Variants in HDAC9 observed in about 807,000 individuals in gnomAD.
The protein encoded by HDAC9 is histone deacetylase 9, also known as MEF-2 interacting transcription repressor (MITR) protein.
Under a neutral mutation model 139.4 loss-of-function variants are expected in HDAC9, and 41 were observed. The observed-to-expected ratio is 0.29, with a 90% CI of 0.23 to 0.38. HDAC9 has a LOEUF of 0.38. Among genes scored for constraint, HDAC9 ranks in the 10% least tolerant of loss-of-function variants. HDAC9 has a pLI of 1.00. For missense variants in HDAC9, 1,147 were observed against 1,297.0 expected, an observed-to-expected ratio of 0.88 and a Z score of 1.78; for synonymous variants, 517 against 476.2, an observed-to-expected ratio of 1.09 and a Z score of -1.12.
intron 12 of HDAC9, among the ~76,000 whole-genome samples, chr7:18,690,427 G>A (rs1236941960): frequency 6.6e-6 from 1 of 151,986 alleles, no homozygotes; most frequent in East Asian, 1.9e-4. Context: ...GATTGATGCT[G>A]AAAAGGTGTC....
rs552225922 is a variant in HDAC9, at chr7:18,593,106, C to T, written c.543-802C>T. ...GAATCTGAATTTAATGCCATTTTTG[C>T]CAGTTATAGCTAGAAGAAATATCCT... On this transcript the variant is annotated intron_variant, in intron 5 of 25. Coordinates refer to ENST00000686413, the MANE Select transcript of HDAC9 (RefSeq NM_178425.4). 9.9e-5 allele frequency among the ~76,000 whole-genome samples: 15 copies of T among 152,060 alleles called. No homozygotes were observed. In the East Asian group the frequency reaches 1.9e-3, roughly 20 times the overall value.
chr7:18,864,975 C>G (rs570499049), intron 21 of HDAC9, among the ~76,000 whole-genome samples: 1 of 152,122 alleles, frequency 6.6e-6, no homozygotes, highest in Non-Finnish European at 1.5e-5. Flanking sequence ...TCCCTTTGAC[C>G]GTAGTGTGTC....
chr7:18,183,230 T>C (rs10263045), intron 2 of HDAC9, among the ~76,000 whole-genome samples: 44,281 of 151,766 alleles, frequency 0.29, 7,579 homozygotes, highest in African/African-American at 0.48. Flanking sequence ...AGGATGGTCT[T>C]GATCTTCTGA....
intron 2 of HDAC9, among the ~76,000 whole-genome samples, chr7:18,553,643 G>A (rs1448253451): frequency 6.6e-6 from 1 of 152,150 alleles, no homozygotes; most frequent in Non-Finnish European, 1.5e-5. Context: ...TTAAACATAA[G>A]TTTTTCACAG....
chr7:18,990,532 C>A (rs931832442), intron 25 of HDAC9, among the ~76,000 whole-genome samples: 3 of 152,218 alleles, frequency 2.0e-5, no homozygotes, highest in African/African-American at 7.2e-5. Context: ...AGAGGTGGAG[C>A]CTATAGAGGC....
intron 2 of HDAC9, among the ~76,000 whole-genome samples, chr7:18,217,501 A>G (rs934127832): frequency 1.3e-5 from 2 of 151,832 alleles, no homozygotes; most frequent in Non-Finnish European, 1.5e-5. Context: ...ATTTTCTCTT[A>G]TTTTTTATTT....
intron 2 of HDAC9, among the ~76,000 whole-genome samples, chr7:18,584,694 T>A (rs1459746407): frequency 2.6e-5 from 4 of 152,208 alleles, no homozygotes; most frequent in Non-Finnish European, 5.9e-5. Context: ...TCACTCCTTG[T>A]TGTTTGGATC....
chr7:18,835,620 T>A, intron 20 of HDAC9, 34 bp downstream of exon 20: 1 of 1,613,254 alleles, frequency 6.2e-7, no homozygotes. Context: ...CCACTTTTAT[T>A]TGTATCTTTC....
At chr7:18,396,760 G>A (rs764276599) in intron 1 of HDAC9, among the ~76,000 whole-genome samples, 2 of 152,006 alleles carry the variant, frequency 1.3e-5, no homozygotes, top group Non-Finnish European at 2.9e-5. Flanking sequence ...CTAAATATTT[G>A]GAATTTTACA....
intron 6 of HDAC9, among the ~76,000 whole-genome samples, chr7:18,622,292 C>A (rs1023042358): frequency 2.6e-5 from 4 of 152,084 alleles, no homozygotes; most frequent in Non-Finnish European, 5.9e-5. Flanking sequence ...CATTGTATAT[C>A]CCAAATATTC....
At chr7:18,732,097 T>C (rs1022320018) in intron 13 of HDAC9, among the ~76,000 whole-genome samples, 1 of 152,186 alleles carries the variant, frequency 6.6e-6, no homozygotes, top group Non-Finnish European at 1.5e-5. Context: ...CAACCTCAGG[T>C]GATCCACCCG....
At chr7:18,570,750 A>T (rs563096900) in intron 2 of HDAC9, among the ~76,000 whole-genome samples, 1 of 152,266 alleles carries the variant, frequency 6.6e-6, no homozygotes, top group Non-Finnish European at 1.5e-5. Flanking sequence ...TTGCAACCTC[A>T]TAATGTTGTA....
intron 2 of HDAC9, among the ~76,000 whole-genome samples, chr7:18,263,194 C>T (rs1795788769): frequency 6.6e-6 from 1 of 152,112 alleles, no homozygotes; most frequent in South Asian, 2.1e-4. Context: ...CAAACAGTGA[C>T]TGAAAGAGAG....
At chr7:18,964,035 C>T (rs1783693540) in intron 24 of HDAC9, among the ~76,000 whole-genome samples, 1 of 152,168 alleles carries the variant, frequency 6.6e-6, no homozygotes, top group Non-Finnish European at 1.5e-5. Context: ...ATATACAGGA[C>T]AAACAACTTT....
At position 18,997,478 on chromosome 7, in the gene HDAC9, A is replaced by T. The variant is rs1786534081; in HGVS notation, c.*1416A>T. ...ATAACTCAAACACCTAAACATATTG[A>T]GGTAGAATATCTCACAGTATTTAAT... On this transcript the variant is annotated 3_prime_UTR_variant, in exon 26 of 26. Transcript: ENST00000686413. The T allele has an allele frequency of 6.6e-6, 1 of 152,168 alleles. No individual in the cohort carries two copies. The highest frequency in any genetic ancestry group is 1.5e-5 in the Non-Finnish European group (1 of 68,008). 9.4% of individuals were successfully genotyped at this position (152,168 alleles called of 1,614,324 possible). A position where few individuals can be genotyped will look rare whatever the true frequency, so the allele number is the denominator to read the frequency against.
chr7:18,824,900 A>G (rs1795296906), intron 17 of HDAC9, among the ~76,000 whole-genome samples: 1 of 152,036 alleles, frequency 6.6e-6, no homozygotes, highest in South Asian at 2.1e-4. Context: ...AACTGCATAC[A>G]TTTGAGTGAT....
At chr7:18,328,632 T>C (rs896034162) in intron 1 of HDAC9, among the ~76,000 whole-genome samples, 3 of 151,948 alleles carry the variant, frequency 2.0e-5, no homozygotes, top group African/African-American at 7.2e-5. Context: ...CATCCTTTCA[T>C]GTTTGGGATA....
At chr7:18,373,681 C>T (rs1440117569) in intron 1 of HDAC9, among the ~76,000 whole-genome samples, 1 of 152,074 alleles carries the variant, frequency 6.6e-6, no homozygotes, top group Non-Finnish European at 1.5e-5. Flanking sequence ...CCAGGTGAAA[C>T]TAAAGAAGCT....
intron 1 of HDAC9, among the ~76,000 whole-genome samples, chr7:18,138,773 A>G (rs1785656568): frequency 6.6e-6 from 1 of 152,146 alleles, no homozygotes; most frequent in South Asian, 2.1e-4. Context: ...AGTGTAAGAA[A>G]TTGAGAAAAA....
Sources: allele counts gnomAD v4.1 joint callset (sites outside exome capture counted in the v4.1 genomes callset), GRCh38; gene constraint gnomAD v4.1.1; transcripts MANE v1.5; gene names NCBI Gene and HGNC (gene_info 2026-07-23, HGNC 2026-07-21).